The following MACROH2A2 variants were observed in gnomAD, a reference collection of about 807,000 sequenced individuals.
MACROH2A2 encodes the protein macroH2A.2 histone.
In MACROH2A2, 6 loss-of-function variants were observed where a neutral mutation model predicts 37.6. The observed-to-expected ratio is 0.16, with a 90% CI of 0.09 to 0.32. The LOEUF (loss-of-function observed/expected upper bound fraction) is 0.32. MACROH2A2 is among the 10% of genes least tolerant of loss of function. The probability of loss-of-function intolerance (pLI) is 1.00; values close to 1 mark genes in which losing one functional copy is unlikely to be tolerated. For missense variants in MACROH2A2, 290 were observed against 485.9 expected, an observed-to-expected ratio of 0.60 and a Z score of 3.79; for synonymous variants, 192 against 202.7, an observed-to-expected ratio of 0.95 and a Z score of 0.45.
chr10:70,056,612 A>G (rs2072018850), intron 1 of MACROH2A2, among the ~76,000 whole-genome samples: 4 of 152,218 alleles, frequency 2.6e-5, no homozygotes, highest in Admixed American at 1.3e-4. Flanking sequence ...TTGGACTTGA[A>G]GGGAGGGTGT....
At chr10:70,069,782 C>A (rs938591780) in intron 1 of MACROH2A2, among the ~76,000 whole-genome samples, 1 of 151,970 alleles carries the variant, frequency 6.6e-6, no homozygotes, top group Non-Finnish European at 1.5e-5. Flanking sequence ...AGGCCTACAC[C>A]GAGACTCCAA....
chr10:70,059,493 C>T (rs926802725), intron 1 of MACROH2A2, among the ~76,000 whole-genome samples: 14 of 151,916 alleles, frequency 9.2e-5, no homozygotes, highest in African/African-American at 3.4e-4. Context: ...GCCTCAACCT[C>T]CTAAGTAGCT....
rs912298351 is a variant in MACROH2A2, at chr10:70,107,516, T to C, written c.779-1517T>C. Among the ~76,000 whole-genome samples the C allele has an allele frequency of 6.6e-6, 1 of 152,134 alleles. No homozygotes were observed. The highest frequency in any genetic ancestry group is 1.5e-5 in the Non-Finnish European group (1 of 68,000). On this transcript the variant is annotated intron_variant, in intron 7 of 8. Transcript: ENST00000373255. The surrounding 1 kb of genome is among the most constrained non-coding windows in gnomAD (Gnocchi z 4.4). ...CGTGGGGGCAAGCATGGCTCATGGC[T>C]GAAGCTGCAGCTGCCTCAGGCAGAT... is the stretch of plus-strand genomic sequence containing the variant.
At chr10:70,083,978 T>C (rs192865919) in intron 2 of MACROH2A2, among the ~76,000 whole-genome samples, 1 of 150,908 alleles carries the variant, frequency 6.6e-6, no homozygotes, top group Non-Finnish European at 1.5e-5. Context: ...ATATTGATAG[T>C]AGATATTGAG....
intron 1 of MACROH2A2, among the ~76,000 whole-genome samples, chr10:70,070,248 A>T (rs2072101342): frequency 6.6e-6 from 1 of 152,208 alleles, no homozygotes; most frequent in Admixed American, 6.5e-5. Flanking sequence ...TGCATAAGTC[A>T]GTCCATCTCA....
rs757737430 is a variant in MACROH2A2 at position 70,109,214 on chromosome 10, T to C, written c.953+7T>C. On this transcript the variant is annotated splice_region_variant and intron_variant, in intron 8 of 8. Coordinates refer to ENST00000373255, the MANE Select transcript of MACROH2A2 (RefSeq NM_018649.3). ...CGCCTTTCCCCAGCGGCAGGTAAGA[T>C]GCAGTTCCCCTGAGTTGATTCCTCC... 42 of 1,611,906 alleles carry C rather than the reference T, an allele frequency of 2.6e-5. No homozygotes were observed. Among genetic ancestry groups the C allele is most frequent in the South Asian group, 1.8e-4 (16 of 91,032 alleles).
At chr10:70,092,022 C>T (rs574876264) in intron 4 of MACROH2A2, 68 bp downstream of exon 4, 3 of 1,278,194 alleles carry the variant, frequency 2.3e-6, no homozygotes, top group Non-Finnish European at 2.2e-6. Context: ...TGTGTTCCCC[C>T]ACAATTCATA....
chr10:70,104,123 G>T (rs1450504851), intron 7 of MACROH2A2, among the ~76,000 whole-genome samples: 2 of 152,188 alleles, frequency 1.3e-5, no homozygotes, highest in African/African-American at 4.8e-5. Flanking sequence ...AATGGAGAAG[G>T]GGAGATGGTT....
rs1334756973 is a variant in MACROH2A2, at chr10:70,091,960, C to T, written c.477+6C>T. On this transcript the variant is annotated splice_donor_region_variant and intron_variant, in intron 4 of 8. Coordinates refer to ENST00000373255, the MANE Select transcript of MACROH2A2 (RefSeq NM_018649.3). The stretch of plus-strand genomic sequence containing the variant: ...AACCACGGACGTCCAAAAAGGTAGG[C>T]CGAGGCTGCGTGTCCTGGGCCAGGC... 1.9e-6 allele frequency: 3 copies of T among 1,611,302 alleles called. No individual in the cohort carries two copies. Among genetic ancestry groups the T allele is most frequent in the Non-Finnish European group, 2.5e-6 (3 of 1,178,742 alleles).
chr10:70,091,813 A>T lies in MACROH2A2; in HGVS notation c.336A>T (p.Glu112Asp). 3 of 1,614,124 alleles carry T rather than the reference A, an allele frequency of 1.9e-6. No individual in the cohort carries two copies. The South Asian group carries it at 3.3e-5, about 18-fold the overall frequency. Residue 112 changes from glutamate (E) to aspartate (D), a missense_variant, in exon 4 of 9, where the codon GAA becomes GAT. Coordinates refer to ENST00000373255, the MANE Select transcript of MACROH2A2 (RefSeq NM_018649.3). ...GCGTCCTGCCCAGAATTCACCCCGAACTGCTGGCCAAAAAGCGAGGGACCA... is the reference window on the plus strand; with the variant it reads ...GCGTCCTGCCCAGAATTCACCCCGATCTGCTGGCCAAAAAGCGAGGGACCA... Reference protein sequence around the residue: ...SGGVLPRIHPELLAKKRGTKG... With the variant: ...SGGVLPRIHPDLLAKKRGTKG...
At chr10:70,056,771 G>C (rs774188883) in intron 1 of MACROH2A2, among the ~76,000 whole-genome samples, 1 of 152,176 alleles carries the variant, frequency 6.6e-6, no homozygotes, top group African/African-American at 2.4e-5. Flanking sequence ...AAGGCTGAGA[G>C]TCCTGGCCTG....
At chr10:70,079,398 G>A (rs766798676) in intron 2 of MACROH2A2, among the ~76,000 whole-genome samples, 3 of 152,036 alleles carry the variant, frequency 2.0e-5, no homozygotes, top group Non-Finnish European at 2.9e-5. Context: ...AAGGGAGGTG[G>A]GGAGTAAGGG....
chr10:70,085,844 C>G (rs2072207283), intron 2 of MACROH2A2, among the ~76,000 whole-genome samples: 1 of 151,990 alleles, frequency 6.6e-6, no homozygotes, highest in South Asian at 2.1e-4. Context: ...CTATTGATTG[C>G]CAATATAAGG....
chr10:70,056,637 T>C (rs559591991), intron 1 of MACROH2A2, among the ~76,000 whole-genome samples: 127 of 152,258 alleles, frequency 8.3e-4, no homozygotes, highest in Non-Finnish European at 1.2e-3. Context: ...CTAGGCTTCA[T>C]AGAGAACGTG....
chr10:70,106,267 A>C (rs1476948354), intron 7 of MACROH2A2, among the ~76,000 whole-genome samples: 1 of 152,202 alleles, frequency 6.6e-6, no homozygotes, highest in African/African-American at 2.4e-5. Flanking sequence ...GAATGCCCCT[A>C]GTCATTATGT....
rs1419437955 is a variant in MACROH2A2, at chr10:70,053,654, C to CGCGG, written c.-60+662_-60+665dup. Among the ~76,000 whole-genome samples, 1 of 151,094 alleles carries CGCGG rather than the reference C, an allele frequency of 6.6e-6. No individual in the cohort carries two copies. Among genetic ancestry groups the CGCGG allele is most frequent in the Non-Finnish European group, 1.5e-5 (1 of 67,702 alleles). Reference sequence around the variant, plus strand: ...GGTTGCTGCGCGGACACCCGGGCGCCGCGGGCGGGCGTGCGCCCCGGGGCC... The same window carrying CGCGG: ...GGTTGCTGCGCGGACACCCGGGCGCCGCGGGCGGGCGGGCGTGCGCCCCGGGGCC... On this transcript the variant is annotated intron_variant, in intron 1 of 8. Coordinates refer to ENST00000373255, the MANE Select transcript of MACROH2A2 (RefSeq NM_018649.3). This position sits in a 1 kb window ranked among gnomAD's most constrained non-coding sequence, Gnocchi z 4.8.
chr10:70,056,652 G>A (rs2072019104), intron 1 of MACROH2A2, among the ~76,000 whole-genome samples: 1 of 152,174 alleles, frequency 6.6e-6, no homozygotes, highest in Non-Finnish European at 1.5e-5. Context: ...AACGTGGCAG[G>A]ATTTGGATGA....
chr10:70,058,506 T>C (rs1314802189), intron 1 of MACROH2A2, among the ~76,000 whole-genome samples: 1 of 152,108 alleles, frequency 6.6e-6, no homozygotes, highest in Non-Finnish European at 1.5e-5. Flanking sequence ...TGAAAGGCGG[T>C]CCTGATGATA....
At chr10:70,100,762 G>A (rs934734124) in intron 7 of MACROH2A2, among the ~76,000 whole-genome samples, 1 of 151,962 alleles carries the variant, frequency 6.6e-6, no homozygotes, top group African/African-American at 2.4e-5. Context: ...AATTACAGGC[G>A]CATGCCACCA....
Sources: allele counts gnomAD v4.1 joint callset (sites outside exome capture counted in the v4.1 genomes callset), GRCh38; gene constraint gnomAD v4.1.1; non-coding constraint Gnocchi (gnomAD v3.1); transcripts MANE v1.5; gene names NCBI Gene and HGNC (gene_info 2026-07-23, HGNC 2026-07-21).